The following PCDHGA8 variants were observed in gnomAD, a reference collection of about 807,000 sequenced individuals.
PCDHGA8 encodes the protein protocadherin gamma subfamily A, 8, also known as protocadherin gamma-A8.
In PCDHGA8, 45 loss-of-function variants were observed where a neutral mutation model predicts 59.2. That is an observed-to-expected ratio of 0.76 (90% CI 0.60 to 0.98). The LOEUF (loss-of-function observed/expected upper bound fraction) is 0.98, where lower values mean the gene tolerates loss of function less well. Ranked by LOEUF, PCDHGA8 falls within the 50% of genes least tolerant of loss-of-function variation. The probability of loss-of-function intolerance (pLI) is 0.00; values close to 1 mark genes in which losing one functional copy is unlikely to be tolerated. For synonymous variants in PCDHGA8, 531 were observed against 519.0 expected (o/e 1.02, Z -0.32); for missense variants, 1,257 against 1,196.2 (o/e 1.05, Z -0.75).
chr5:141,399,460 G>C (rs1465606526), intron 1 of PCDHGA8: 1 of 1,613,962 alleles, frequency 6.2e-7, no homozygotes, highest in Admixed American at 1.7e-5. Context: ...CAACGATAAC[G>C]CTCCGGTTTT....
intron 2 of PCDHGA8, among the ~76,000 whole-genome samples, 177 bp from the exon 3 acceptor site, chr5:141,505,216 T>C (rs547855353): frequency 1.1e-4 from 17 of 152,234 alleles, no homozygotes; most frequent in Non-Finnish European, 2.9e-5. Context: ...AGGGACTGAC[T>C]TGTGGGATTC....
chr5:141,432,305 G>T lies in PCDHGA8; in HGVS notation c.2424+37068G>T. 1 of 1,614,254 alleles carries T rather than the reference G, an allele frequency of 6.2e-7. No individual in the cohort carries two copies. Among genetic ancestry groups the T allele is most frequent in the African/African-American group, 1.3e-5 (1 of 75,072 alleles). ...CAACTCCGACACTGGGGTACTGTAT[G>T]CGCTGAGCTCCTTCGACTACGAGCA... On this transcript the variant is annotated intron_variant, in intron 1 of 3. Transcript: ENST00000398604. This position sits in a 1 kb window ranked among gnomAD's most constrained non-coding sequence, Gnocchi z 6.0.
rs746989617 is a variant in PCDHGA8 at position 141,422,853 on chromosome 5, C to G, written c.2424+27616C>G. On this transcript the variant is annotated intron_variant, in intron 1 of 3. Transcript: ENST00000398604. ...TAGCACGTGACAGCGGGGACCCGCC[C>G]CTCAGCAGCAACGTGTCGCTGAGCC... 16 of 1,614,146 alleles carry G rather than the reference C, an allele frequency of 9.9e-6. 1 individual carries two copies. In the South Asian group the frequency reaches 1.6e-4, roughly 17 times the overall value.
intron 1 of PCDHGA8, among the ~76,000 whole-genome samples, chr5:141,433,766 G>A (rs2097649774): frequency 6.6e-6 from 1 of 151,888 alleles, no homozygotes; most frequent in South Asian, 2.1e-4. Flanking sequence ...TAACCTGGGA[G>A]GTGGAGGTTG....
chr5:141,431,022 G>A lies in PCDHGA8; in HGVS notation c.2424+35785G>A. ...CGCAGCGGCAGCTTGGTCACGGCGG[G>A]CAGGATAGACCGGGAGGAGCTCTGT... On this transcript the variant is annotated intron_variant, in intron 1 of 3. Transcript: ENST00000398604. This position sits in a 1 kb window ranked among gnomAD's most constrained non-coding sequence, Gnocchi z 4.8. 1 of 1,614,078 alleles carries A rather than the reference G, an allele frequency of 6.2e-7. No individual in the cohort carries two copies. Among genetic ancestry groups the A allele is most frequent in the African/African-American group, 1.3e-5 (1 of 75,074 alleles).
chr5:141,506,544 G>GT (rs2099854759), intron 3 of PCDHGA8, among the ~76,000 whole-genome samples: 1 of 151,880 alleles, frequency 6.6e-6, no homozygotes, highest in Non-Finnish European at 1.5e-5. Flanking sequence ...GAGTCCTTAG[G>GT]TAAGTTATTA....
Position 141,511,606 on chromosome 5 carries a change from G to A in PCDHGA8, c.*433G>A, listed in dbSNP as rs1160129762. The stretch of plus-strand genomic sequence containing the variant: ...TGTTGAAGTACCAAGTAACCTACAA[G>A]CCTCCTAGTTCTGAAAAGTTGGAAG... On this transcript the variant is annotated 3_prime_UTR_variant, in exon 4 of 4. Transcript: ENST00000398604. 2 of 248,594 alleles carry A rather than the reference G, an allele frequency of 8.0e-6. No individual in the cohort carries two copies. Among genetic ancestry groups the A allele is most frequent in the Non-Finnish European group, 1.6e-5 (2 of 123,946 alleles). 15.4% of individuals were successfully genotyped at this position (248,594 alleles called of 1,614,324 possible). A position where few individuals can be genotyped will look rare whatever the true frequency, so the allele number is the denominator to read the frequency against.
chr5:141,440,535 G>C (rs1305958587), intron 1 of PCDHGA8: 1 of 152,154 alleles, frequency 6.6e-6, no homozygotes, highest in African/African-American at 2.4e-5. Flanking sequence ...CATGCACCAC[G>C]GTTCAGCAGG....
intron 1 of PCDHGA8, among the ~76,000 whole-genome samples, chr5:141,397,282 T>A (rs2150702726): frequency 6.6e-6 from 1 of 152,350 alleles, no homozygotes; most frequent in South Asian, 2.1e-4. Context: ...ATGGGCAGTA[T>A]ACTTGAATGA....
chr5:141,424,169 A>G (rs542346399), intron 1 of PCDHGA8: 20 of 225,850 alleles, frequency 8.9e-5, no homozygotes, highest in Middle Eastern at 2.3e-3. Context: ...TCATCTATCT[A>G]TCTATACACA....
At chr5:141,471,114 T>A (rs1210058743) in intron 1 of PCDHGA8, among the ~76,000 whole-genome samples, 1 of 150,256 alleles carries the variant, frequency 6.7e-6, no homozygotes, top group Non-Finnish European at 1.5e-5. Context: ...AGTGGTGCGA[T>A]CTTACCTTCA....
Position 141,392,975 on chromosome 5 carries a change from GGA to G in PCDHGA8, c.163_164del (p.Asp55ProfsTer16). ...VGNISKDLGL[D>X]PRKLAKHGVR... ...GTAATATCTCCAAGGACCTGGGGCT[GGA>G]CCCCCGGAAGCTGGCGAAGCACGGA... On this transcript the variant is annotated frameshift_variant, in exon 1 of 4. Transcript: ENST00000398604. LOFTEE classifies it high-confidence loss of function. The G allele has an allele frequency of 6.2e-7, 1 of 1,613,862 alleles. No individual in the cohort carries two copies. The highest frequency in any genetic ancestry group is 8.5e-7 in the Non-Finnish European group (1 of 1,179,876).
At chr5:141,409,896 C>A (rs1181128940) in intron 1 of PCDHGA8, 1 of 1,613,240 alleles carries the variant, frequency 6.2e-7, no homozygotes, top group African/African-American at 1.3e-5. Context: ...GTGCTGTACC[C>A]AGCTCTGGGT....
intron 1 of PCDHGA8, among the ~76,000 whole-genome samples, chr5:141,446,802 G>T (rs2098516342): frequency 6.6e-6 from 1 of 152,130 alleles, no homozygotes; most frequent in South Asian, 2.1e-4. Flanking sequence ...CTTCCATTGT[G>T]ATCATCTAGT....
At position 141,491,290 on chromosome 5, in the gene PCDHGA8, C is replaced by T. The variant is rs747758229; in HGVS notation, c.2425-3517C>T. Reference sequence around the variant, plus strand: ...CAAATCCAGTGACTTCCTCATACACCCTCCTGAGCGTTCAGACCTTACCCT... The same window carrying T: ...CAAATCCAGTGACTTCCTCATACACTCTCCTGAGCGTTCAGACCTTACCCT... On this transcript the variant is annotated intron_variant, in intron 1 of 3. Coordinates refer to ENST00000398604, the MANE Select transcript of PCDHGA8 (RefSeq NM_032088.2). The surrounding 1 kb of genome is among the most constrained non-coding windows in gnomAD (Gnocchi z 6.9). 6.2e-7 allele frequency: 1 copy of T among 1,613,974 alleles called. No homozygotes were observed. Among genetic ancestry groups the T allele is most frequent in the Non-Finnish European group, 8.5e-7 (1 of 1,179,952 alleles).
At chr5:141,506,993 C>T (rs781663602) in intron 3 of PCDHGA8, 18 of 152,184 alleles carry the variant, frequency 1.2e-4, no homozygotes, top group Non-Finnish European at 1.8e-4. Context: ...TTCTCACACT[C>T]GACAGATGAG....
Position 141,393,987 on chromosome 5 carries a change from T to C in PCDHGA8, c.1174T>C (p.Phe392Leu), listed in dbSNP as rs1361027983. 1.2e-6 allele frequency: 2 copies of C among 1,613,490 alleles called. No homozygotes were observed. Among genetic ancestry groups the C allele is most frequent in the Admixed American group, 3.3e-5 (2 of 59,948 alleles). Reference sequence around the variant, plus strand: ...CTGTTACACACGTGATAATTTACCTTTTAAATTAGAAAAGTCAATAGGTAA... The same window carrying C: ...CTGTTACACACGTGATAATTTACCTCTTAAATTAGAAAAGTCAATAGGTAA... Reference protein sequence around the residue: ...VVCYTRDNLPFKLEKSIGNYY... With the variant: ...VVCYTRDNLPLKLEKSIGNYY... Residue 392 changes from phenylalanine to leucine, a missense_variant, in exon 1 of 4, where the codon TTT (phenylalanine) becomes CTT (leucine). Physicochemically the swap from Phe to Leu is conservative, Grantham distance 22 (BLOSUM62 0). Coordinates refer to ENST00000398604, the MANE Select transcript of PCDHGA8 (RefSeq NM_032088.2).
rs747437039 is a variant in PCDHGA8 at position 141,413,919 on chromosome 5, G to T, written c.2424+18682G>T. The T allele has an allele frequency of 1.2e-5, 19 of 1,613,284 alleles. 1 individual carries two copies. The highest frequency in any genetic ancestry group is 1.6e-5 in the Non-Finnish European group (19 of 1,179,890). ...ATGACAACGCGCCGGTCTTCACCTT[G>T]CCAGAATACCGAGTGAGTGTTCCTG... On this transcript the variant is annotated intron_variant, in intron 1 of 3. Transcript: ENST00000398604.
rs200524415 is a variant in PCDHGA8, at chr5:141,487,436, G to C, written c.2425-7371G>C. 1 of 1,614,176 alleles carries C rather than the reference G, an allele frequency of 6.2e-7. No individual in the cohort carries two copies. Among genetic ancestry groups the C allele is most frequent in the East Asian group, 2.2e-5 (1 of 44,870 alleles). ...CAATGGGATCCTCCGAATCCAGCTAGGGTCAGATGACCCTATCAAGTTTGT... is the reference window on the plus strand; with the variant it reads ...CAATGGGATCCTCCGAATCCAGCTACGGTCAGATGACCCTATCAAGTTTGT... On this transcript the variant is annotated intron_variant, in intron 1 of 3. Coordinates refer to ENST00000398604, the MANE Select transcript of PCDHGA8 (RefSeq NM_032088.2). This position sits in a 1 kb window ranked among gnomAD's most constrained non-coding sequence, Gnocchi z 5.0.
Sources: allele counts gnomAD v4.1 joint callset (sites outside exome capture counted in the v4.1 genomes callset), GRCh38; gene constraint gnomAD v4.1.1; non-coding constraint Gnocchi (gnomAD v3.1); transcripts MANE v1.5; gene names NCBI Gene and HGNC (gene_info 2026-07-23, HGNC 2026-07-21).